Variants in CUBN observed in about 807,000 individuals in gnomAD.
CUBN encodes the protein 460 kDa receptor.
CUBN carries 282 observed loss-of-function variants against 405.3 expected under a neutral mutation model. The observed-to-expected ratio is 0.70, with a 90% CI of 0.63 to 0.77. The LOEUF is 0.77. Among genes scored for constraint, CUBN ranks in the 30% least tolerant of loss-of-function variants. CUBN has a pLI of 0.00. For synonymous variants in CUBN, 1,684 were observed against 1,617.0 expected, an observed-to-expected ratio of 1.04 and a Z score of -0.99; for missense variants, 4,514 against 4,475.2, an observed-to-expected ratio of 1.01 and a Z score of -0.25.
intron 22 of CUBN, among the ~76,000 whole-genome samples, chr10:17,052,050 G>A (rs183372226): frequency 1.2e-4 from 15 of 120,056 alleles, no homozygotes; most frequent in African/African-American, 3.8e-4. Context: ...CAGTTGGGGC[G>A]GGGGGGAAGC....
chr10:16,834,369 G>T (rs954177708), intron 64 of CUBN, among the ~76,000 whole-genome samples: 1 of 152,120 alleles, frequency 6.6e-6, no homozygotes, highest in African/African-American at 2.4e-5. Flanking sequence ...GCACAAGGGG[G>T]CTTCTCTCTC....
chr10:16,926,521 G>A (rs535256092), intron 41 of CUBN, among the ~76,000 whole-genome samples: 196 of 152,126 alleles, frequency 1.3e-3, no homozygotes, highest in African/African-American at 4.0e-3. Flanking sequence ...GGAGGGGACC[G>A]CCTGAGGCCA....
intron 10 of CUBN, among the ~76,000 whole-genome samples, chr10:17,107,015 AG>A (rs1328772195): frequency 2.0e-5 from 3 of 152,238 alleles, no homozygotes; most frequent in African/African-American, 7.2e-5. Context: ...CCAAGGTACA[AG>A]GTTAAAACAA....
intron 36 of CUBN, among the ~76,000 whole-genome samples, chr10:16,942,278 A>G (rs1475511715): frequency 1.3e-5 from 2 of 152,204 alleles, no homozygotes; most frequent in African/African-American, 4.8e-5. Flanking sequence ...TTAAATGTAC[A>G]TCCAATTAAT....
intron 28 of CUBN, among the ~76,000 whole-genome samples, chr10:16,999,172 A>G (rs984447753): frequency 1.4e-5 from 2 of 148,030 alleles, no homozygotes; most frequent in African/African-American, 4.9e-5. Context: ...AAGATGTCAT[A>G]TAAATACTCA....
chr10:16,852,397 C>T (rs1456253399), intron 59 of CUBN, among the ~76,000 whole-genome samples: 1 of 144,756 alleles, frequency 6.9e-6, no homozygotes, highest in African/African-American at 2.6e-5. Flanking sequence ...CTATCTTTCC[C>T]TCCCTCCATC....
chr10:16,950,502 C>G (rs1349790457), intron 33 of CUBN, among the ~76,000 whole-genome samples: 1 of 151,946 alleles, frequency 6.6e-6, no homozygotes, highest in Admixed American at 6.6e-5. Context: ...AAAAAACATA[C>G]AGGGAGATAA....
chr10:16,962,299 A>G (rs1843248638), intron 31 of CUBN, among the ~76,000 whole-genome samples: 6 of 152,168 alleles, frequency 3.9e-5, no homozygotes, highest in Admixed American at 2.0e-4. Flanking sequence ...TGGGAGCTAA[A>G]TTGCTGTGTA....
intron 28 of CUBN, among the ~76,000 whole-genome samples, chr10:17,012,236 T>C (rs531892753): frequency 6.6e-6 from 1 of 152,176 alleles, no homozygotes; most frequent in Non-Finnish European, 1.5e-5. Flanking sequence ...AATAGCAAGA[T>C]GGCTGCCATG....
At chr10:17,019,242 T>C (rs1834428203) in intron 28 of CUBN, among the ~76,000 whole-genome samples, 1 of 152,180 alleles carries the variant, frequency 6.6e-6, no homozygotes, top group South Asian at 2.1e-4. Context: ...AGAGGAATGA[T>C]GATCCCTACC....
chr10:16,852,648 G>A (rs1254108283), intron 59 of CUBN, among the ~76,000 whole-genome samples: 1 of 152,166 alleles, frequency 6.6e-6, no homozygotes, highest in Non-Finnish European at 1.5e-5. Flanking sequence ...TTTTGGGATT[G>A]CTGATGTGAT....
chr10:16,861,519 T>TATTTTTATA (rs1171017281), intron 59 of CUBN, among the ~76,000 whole-genome samples: 2 of 152,188 alleles, frequency 1.3e-5, no homozygotes, highest in African/African-American at 4.8e-5. Context: ...AATTCTCGCA[T>TATTTTTATA]GTGAAATGAG....
At chr10:17,052,065 T>A (rs1835283269) in intron 22 of CUBN, among the ~76,000 whole-genome samples, 1 of 152,052 alleles carries the variant, frequency 6.6e-6, no homozygotes, top group South Asian at 2.1e-4. Context: ...GGAAGCCACA[T>A]CACATACAGG....
rs1276719 is a variant in CUBN at position 16,928,621 on chromosome 10, T to C, written c.6125-318A>G. Among the ~76,000 whole-genome samples, 95,494 of 148,402 alleles carry C rather than the reference T, an allele frequency of 0.64. 31,199 individuals are homozygous for C. Among genetic ancestry groups the C allele is most frequent in the East Asian group, 0.92 (4,556 of 4,976 alleles). On this transcript the variant is annotated intron_variant, in intron 40 of 66. Coordinates refer to ENST00000377833, the MANE Select transcript of CUBN (RefSeq NM_001081.4). ...CTCGGTTTAATGCAGCCTCTGCCTC[T>C]GGGGTTCAAGTGATTCTCCTGCCTC...
intron 29 of CUBN, among the ~76,000 whole-genome samples, chr10:16,988,776 C>T (rs10904861): frequency 0.3 from 45,969 of 151,972 alleles, 7,337 homozygotes; most frequent in Non-Finnish European, 0.34. Flanking sequence ...TCAGGATTTA[C>T]TGGAGTGTTG....
At chr10:16,973,235 C>A (rs187485234) in intron 31 of CUBN, among the ~76,000 whole-genome samples, 182 of 152,320 alleles carry the variant, frequency 1.2e-3, no homozygotes, top group African/African-American at 4.2e-3. Context: ...GCAGCCTCCC[C>A]TCGTGGCCTC....
chr10:17,062,613 G>C (rs908475663), intron 22 of CUBN, among the ~76,000 whole-genome samples: 1 of 152,192 alleles, frequency 6.6e-6, no homozygotes, highest in African/African-American at 2.4e-5. Flanking sequence ...AAAGTAACAA[G>C]GGAGGAAGTC....
chr10:16,989,320 T>C (rs1192500187), intron 29 of CUBN, among the ~76,000 whole-genome samples: 1 of 149,380 alleles, frequency 6.7e-6, no homozygotes, highest in African/African-American at 2.4e-5. Flanking sequence ...GTGTATTATA[T>C]ACTTACATTA....
chr10:16,954,282 A>C, intron 32 of CUBN, 107 bp downstream of exon 32: 1 of 1,259,164 alleles, frequency 7.9e-7, no homozygotes, highest in South Asian at 1.2e-5. Context: ...TTACATGTTA[A>C]GTAGAAGGCT....
Sources: gnomAD v4.1 joint callset for allele counts (sites outside exome capture counted in the v4.1 genomes callset) on GRCh38, gnomAD v4.1.1 for gene constraint, MANE v1.5 for transcripts, NCBI Gene and HGNC (gene_info 2026-07-23, HGNC 2026-07-21) for gene names.